Variants in FGFR3 observed in about 807,000 individuals in gnomAD.
FGFR3 encodes the protein fibroblast growth factor receptor 3.
Under a neutral mutation model 82.9 loss-of-function variants are expected in FGFR3, and 25 were observed. The observed-to-expected ratio is 0.30, with a 90% confidence interval of 0.22 to 0.42. The LOEUF (loss-of-function observed/expected upper bound fraction) is 0.42. Ranked by LOEUF, FGFR3 falls within the 10% of genes least tolerant of loss-of-function variation. The pLI is 1.00. For synonymous variants in FGFR3, 620 were observed against 516.0 expected, an observed-to-expected ratio of 1.20 and a Z score of -2.73; for missense variants, 1,026 against 1,161.0, an observed-to-expected ratio of 0.88 and a Z score of 1.69.
rs2108751417 is a variant in FGFR3 at position 1,793,868 on chromosome 4, C to T, written c.-67C>T. 2 of 518,182 alleles carry T rather than the reference C, an allele frequency of 3.9e-6. No individual in the cohort carries two copies. The highest frequency in any genetic ancestry group is 2.1e-5 in the African/African-American group (1 of 48,180). 32.1% of individuals were successfully genotyped at this position (518,182 alleles called of 1,614,324 possible). A position where few individuals can be genotyped will look rare whatever the true frequency, so the allele number is the denominator to read the frequency against. ...GGCGCCCGCCTCCCGCCGGTGCCCG[C>T]GCCGGGCCGTGGGGGGCAGCATGCC... On this transcript the variant is annotated 5_prime_UTR_variant, in exon 2 of 18. Transcript: ENST00000440486.
rs770464815 is a variant in FGFR3 at position 1,799,270 on chromosome 4, G to A, written c.126G>A (p.Glu42=). ...TCCCCACAGAAGTCCCGGGCCCAGA[G>A]CCCGGCCAGCAGGAGCAGTTGGTCT... ...VGRAAEVPGP[E]PGQQEQLVFG... is the part of the protein sequence containing the mutation. Residue 42 remains glutamate, a synonymous_variant, in exon 3 of 18, where the codon GAG becomes GAA. Coordinates refer to ENST00000440486, the MANE Select transcript of FGFR3 (RefSeq NM_000142.5). 3.7e-6 allele frequency: 6 copies of A among 1,612,610 alleles called. No homozygotes were observed. The highest frequency in any genetic ancestry group is 2.2e-5 in the South Asian group (2 of 91,080).
Position 1,807,954 on chromosome 4 carries a change from C to T in FGFR3, c.*692C>T. The T allele has an allele frequency of 3.9e-6, 1 of 253,980 alleles. No individual in the cohort carries two copies. 15.7% of individuals were successfully genotyped at this position (253,980 alleles called of 1,614,324 possible). ...AGGAAAAGGCTGGTACAACGGAGGC[C>T]TGCGACCCTGGGGGCACAGGAGGCA... is the stretch of plus-strand genomic sequence containing the variant. On this transcript the variant is annotated 3_prime_UTR_variant, in exon 18 of 18. Transcript: ENST00000440486.
chr4:1,794,389 C>T (rs2108753652), intron 2 of FGFR3, among the ~76,000 whole-genome samples: 1 of 152,290 alleles, frequency 6.6e-6, no homozygotes, highest in Non-Finnish European at 1.5e-5. Context: ...TCGGGTTCTG[C>T]GCAGACGGAA....
intron 7 of FGFR3, 81 bp downstream of exon 7, chr4:1,802,106 T>C: frequency 6.8e-7 from 1 of 1,476,138 alleles, no homozygotes; most frequent in Admixed American, 2.0e-5. Flanking sequence ...GCGGGTTGCG[T>C]GAGGATTTGG....
chr4:1,805,648 C>T lies in FGFR3; in HGVS notation c.1624C>T (p.Leu542=), dbSNP rs748241961. The change falls in exon 12 of 18, where the codon CTG becomes TTG. Residue 542 remains leucine, a synonymous_variant. Transcript: ENST00000440486. ...IGKHKNIINL[L]GACTQGGPLY... The stretch of plus-strand genomic sequence containing the variant: ...GAAACACAAAAACATCATCAACCTG[C>T]TGGGCGCCTGCACGCAGGGCGGTAG... 2 of 1,613,158 alleles carry T rather than the reference C, an allele frequency of 1.2e-6. No homozygotes were observed. Among genetic ancestry groups the T allele is most frequent in the South Asian group, 1.1e-5 (1 of 91,082 alleles).
Position 1,807,101 on chromosome 4 carries a change from G to C in FGFR3, c.2275-15G>C, listed in dbSNP as rs1293698901. 5 of 1,567,766 alleles carry C rather than the reference G, an allele frequency of 3.2e-6. No homozygotes were observed. The East Asian group carries it at 9.5e-5, about 30-fold the overall frequency. On this transcript the variant is annotated splice_polypyrimidine_tract_variant and intron_variant, in intron 17 of 17. Transcript: ENST00000440486. Reference sequence around the variant, plus strand: ...GGCTCGGTGGCACAGCGCTCACCCCGCCTCCCGCCAGCAGGAGTACCTGGA... The same window carrying C: ...GGCTCGGTGGCACAGCGCTCACCCCCCCTCCCGCCAGCAGGAGTACCTGGA...
At chr4:1,804,154 C>T (rs998418238) in intron 8 of FGFR3, among the ~76,000 whole-genome samples, 176 bp from the exon 9 acceptor site, 2 of 152,222 alleles carry the variant, frequency 1.3e-5, no homozygotes, top group African/African-American at 4.8e-5. Context: ...TCTCCAGGGT[C>T]TGGCCCTCTA....
chr4:1,807,383 C>G lies in FGFR3; in HGVS notation c.*121C>G, dbSNP rs748078057. On this transcript the variant is annotated 3_prime_UTR_variant, in exon 18 of 18. Transcript: ENST00000440486. ...AGAGACAGCTACACAGAGCTTTGGTCTGTGTGTGTGTGTGTGCGTGTGTGT... is the reference window on the plus strand; with the variant it reads ...AGAGACAGCTACACAGAGCTTTGGTGTGTGTGTGTGTGTGTGCGTGTGTGT... The G allele has an allele frequency of 5.7e-6, 7 of 1,223,868 alleles. No individual in the cohort carries two copies. The East Asian group carries it at 9.0e-5, about 16-fold the overall frequency. The allele number at this position is 1,223,868 out of a possible 1,614,324, so 75.8% of individuals were successfully genotyped here.
At chr4:1,807,008 A>C (rs1577295059) in intron 17 of FGFR3, 74 bp downstream of exon 17, 11 of 1,553,186 alleles carry the variant, frequency 7.1e-6, no homozygotes, top group Admixed American at 1.9e-5. Context: ...CCTGCCCCCC[A>C]GAGTGCTGAG....
chr4:1,797,105 C>G (rs566516808), intron 2 of FGFR3, among the ~76,000 whole-genome samples: 1 of 152,164 alleles, frequency 6.6e-6, no homozygotes, highest in South Asian at 2.1e-4. Context: ...TTGTCTCCAA[C>G]GTGTTTGGGC....
chr4:1,805,621 G>A lies in FGFR3; in HGVS notation c.1597G>A (p.Gly533Arg), dbSNP rs2108803380. The A allele has an allele frequency of 1.2e-6, 2 of 1,613,344 alleles. No homozygotes were observed. Among genetic ancestry groups the A allele is most frequent in the East Asian group, 2.2e-5 (1 of 44,876 alleles). The stretch of plus-strand genomic sequence containing the variant: ...TGAGATGGAGATGATGAAGATGATC[G>A]GGAAACACAAAAACATCATCAACCT... ...VSEMEMMKMI[G>R]KHKNIINLLG... The change falls in exon 12 of 18, where the codon GGG becomes AGG. Residue 533 changes from glycine (G) to arginine (R), a missense_variant. Transcript: ENST00000440486.
At chr4:1,804,197 C>T in intron 8 of FGFR3, 133 bp from the exon 9 acceptor site, 1 of 1,042,606 alleles carries the variant, frequency 9.6e-7, no homozygotes, top group Non-Finnish European at 1.4e-6. Context: ...CGAGACCCTC[C>T]AGACAAGGCG....
chr4:1,801,206 A>G (rs1439552694), intron 4 of FGFR3, among the ~76,000 whole-genome samples, 161 bp from the exon 5 acceptor site: 1 of 152,142 alleles, frequency 6.6e-6, no homozygotes, highest in Non-Finnish European at 1.5e-5. Flanking sequence ...CGGGGAGGGG[A>G]CAAGATGTGG....
In FGFR3 at chr4:1,807,557, A is replaced by G; in HGVS notation, c.*295A>G. On this transcript the variant is annotated 3_prime_UTR_variant, in exon 18 of 18. Transcript: ENST00000440486. ...CCTTTGTTCTGGGGGGACCCAGTGC[A>G]GAATGTAAGTGGGCCCACCCGGTGG... The G allele has an allele frequency of 1.4e-6, 1 of 711,062 alleles. No homozygotes were observed. The highest frequency in any genetic ancestry group is 1.4e-5 in the South Asian group (1 of 71,664). The allele number at this position is 711,062 out of a possible 1,614,324, so 44.0% of individuals were successfully genotyped here. A position where few individuals can be genotyped will look rare whatever the true frequency, so the allele number is the denominator to read the frequency against.
Position 1,807,622 on chromosome 4 carries a change from G to A in FGFR3, c.*360G>A, listed in dbSNP as rs17881782. 972 of 656,404 alleles carry A rather than the reference G, an allele frequency of 1.5e-3. 7 individuals carry two copies. The African/African-American group carries it at 0.015, about 10-fold the overall frequency. The allele number at this position is 656,404 out of a possible 1,614,324, so 40.7% of individuals were successfully genotyped here. On this transcript the variant is annotated 3_prime_UTR_variant, in exon 18 of 18. Transcript: ENST00000440486. ...AGGGAGCTGGGCCCGACATGGCTCC[G>A]GCCTCTGCCTTTGCACCACGGGACA...
chr4:1,805,313 G>A, intron 10 of FGFR3, 42 bp from the exon 11 acceptor site: 1 of 1,605,990 alleles, frequency 6.2e-7, no homozygotes, highest in Non-Finnish European at 8.5e-7. Flanking sequence ...GCTGAGAGTG[G>A]GCGAGTTTGC....
intron 2 of FGFR3, among the ~76,000 whole-genome samples, chr4:1,798,544 C>T (rs1720800587): frequency 6.6e-6 from 1 of 152,120 alleles, no homozygotes; most frequent in Non-Finnish European, 1.5e-5. Context: ...CCACCCCCGC[C>T]CCGGCCCCCT....
chr4:1,796,083 C>G (rs559863823), intron 2 of FGFR3, among the ~76,000 whole-genome samples: 1 of 152,274 alleles, frequency 6.6e-6, no homozygotes, highest in South Asian at 2.1e-4. Context: ...GGACGGGGAT[C>G]TAAAGTCACC....
intron 2 of FGFR3, among the ~76,000 whole-genome samples, chr4:1,798,001 A>C (rs1720716061): frequency 6.6e-6 from 1 of 152,034 alleles, no homozygotes; most frequent in Non-Finnish European, 1.5e-5. Context: ...CTGAAGAAGG[A>C]GGCTGCCTGG....
Sources: gnomAD v4.1 joint callset for allele counts (sites outside exome capture counted in the v4.1 genomes callset) on GRCh38, gnomAD v4.1.1 for gene constraint, MANE v1.5 for transcripts, NCBI Gene and HGNC (gene_info 2026-07-23, HGNC 2026-07-21) for gene names.